The following STK10 variants were observed in gnomAD, a reference collection of about 807,000 sequenced individuals.
The protein encoded by STK10 is serine/threonine-protein kinase 10.
Under a neutral mutation model 113.8 loss-of-function variants are expected in STK10, and 78 were observed. That is an observed-to-expected ratio of 0.69 (90% CI 0.57 to 0.83). STK10 has a LOEUF of 0.83. STK10 is among the 40% of genes least tolerant of loss of function. The pLI is 0.00. For missense variants in STK10, 1,109 were observed against 1,280.1 expected (o/e 0.87, Z 2.04); for synonymous variants, 465 against 494.7 (o/e 0.94, Z 0.80).
chr5:172,112,416 C>CTTT (rs1159424183), intron 4 of STK10, among the ~76,000 whole-genome samples: 101 of 103,028 alleles, frequency 9.8e-4, no homozygotes, highest in East Asian at 2.2e-3. Flanking sequence ...AGGGACCTTA[C>CTTT]TTTTTTTTTT....
At chr5:172,051,162 A>G (rs1467725334) in intron 18 of STK10, among the ~76,000 whole-genome samples, 1 of 152,124 alleles carries the variant, frequency 6.6e-6, no homozygotes, top group East Asian at 1.9e-4. Flanking sequence ...AACATCATGC[A>G]TTGGTCACTT....
intron 1 of STK10, among the ~76,000 whole-genome samples, chr5:172,165,194 T>C (rs1770545522): frequency 1.3e-5 from 2 of 148,520 alleles, no homozygotes; most frequent in Admixed American, 1.3e-4. Flanking sequence ...CACTGATCAG[T>C]GTGTTGCTCC....
intron 2 of STK10, among the ~76,000 whole-genome samples, chr5:172,131,176 G>A (rs1230395199): frequency 1.3e-5 from 2 of 152,054 alleles, no homozygotes; most frequent in East Asian, 3.9e-4. Flanking sequence ...TGGGACTACA[G>A]GCGCCCGCCA....
chr5:172,078,619 T>TAAAAAA (rs58823824), intron 12 of STK10, among the ~76,000 whole-genome samples: 4 of 72,868 alleles, frequency 5.5e-5, no homozygotes, highest in Middle Eastern at 8.5e-3. Flanking sequence ...GCCTCATCAT[T>TAAAAAA]AAAAAAAAAA....
chr5:172,138,906 C>T (rs1261929142), intron 2 of STK10, among the ~76,000 whole-genome samples: 7 of 152,034 alleles, frequency 4.6e-5, no homozygotes, highest in African/African-American at 1.7e-4. Flanking sequence ...CCCAGCTACT[C>T]GGGAGGCTGA....
In STK10 at chr5:172,071,341, CAAAAAAA is replaced by C. The variant is rs58271522; in HGVS notation, c.1990-6536_1990-6530del. On this transcript the variant is annotated intron_variant, in intron 12 of 18. Coordinates refer to ENST00000176763, the MANE Select transcript of STK10 (RefSeq NM_005990.4). ...ACTAAAACTGAGGCAGGATAGGTAG[CAAAAAAA>C]AAAAAAAAAAAAAAATGACCAGGTT... Among the ~76,000 whole-genome samples, 84 of 53,870 alleles carry C rather than the reference CAAAAAAA, an allele frequency of 1.6e-3. 1 individual carries two copies. The highest frequency in any genetic ancestry group is 6.0e-3 in the African/African-American group (78 of 13,006). The allele number at this position is 53,870 out of a possible 152,430, so 35.3% of individuals were successfully genotyped here.
chr5:172,087,236 C>T (rs1457071104), intron 10 of STK10, among the ~76,000 whole-genome samples: 1 of 147,746 alleles, frequency 6.8e-6, no homozygotes, highest in South Asian at 2.1e-4. Flanking sequence ...ACATCTAAAA[C>T]TACTTTTATT....
intron 12 of STK10, among the ~76,000 whole-genome samples, chr5:172,077,080 C>T (rs928508429): frequency 1.3e-5 from 2 of 152,220 alleles, no homozygotes; most frequent in Non-Finnish European, 2.9e-5. Flanking sequence ...CACATACCAG[C>T]ACTGCTCTCC....
chr5:172,082,499 T>C lies in STK10; in HGVS notation c.1816A>G (p.Lys606Glu), dbSNP rs768260926. ...KRFEQEINAK[K>E]KFFDTELENL... Reference sequence around the variant, plus strand: ...TCTAATTCCGTGTCAAAGAACTTCTTCTTGGCCTGAAAGGAGCAGAAATTC... The same window carrying C: ...TCTAATTCCGTGTCAAAGAACTTCTCCTTGGCCTGAAAGGAGCAGAAATTC... The change falls in exon 12 of 19, where the codon AAG becomes GAG. Residue 606 changes from lysine to glutamate, a missense_variant. Physicochemically the swap from Lys to Glu is moderately conservative, Grantham distance 56 (BLOSUM62 1). This residue lies in a region of STK10 where 885 missense variants were observed against 991.1 expected (regional missense o/e 0.89). Coordinates refer to ENST00000176763, the MANE Select transcript of STK10 (RefSeq NM_005990.4). This position sits in a 1 kb window ranked among gnomAD's most constrained non-coding sequence, Gnocchi z 4.3. The C allele has an allele frequency of 3.1e-6, 5 of 1,587,984 alleles. No homozygotes were observed. Among genetic ancestry groups the C allele is most frequent in the Non-Finnish European group, 4.3e-6 (5 of 1,170,378 alleles).
intron 18 of STK10, chr5:172,045,296 A>AT (rs1289160805): frequency 3.4e-6 from 2 of 594,690 alleles, no homozygotes; most frequent in Admixed American, 4.7e-5. Context: ...AGGAAAAAAA[A>AT]GCAGATGCAA....
intron 10 of STK10, among the ~76,000 whole-genome samples, chr5:172,089,010 G>GT (rs1768630147): frequency 6.6e-6 from 1 of 152,134 alleles, no homozygotes; most frequent in Admixed American, 6.6e-5. Context: ...ATCTGACCAT[G>GT]TTTTTCCCTC....
chr5:172,079,262 A>G (rs565608302), intron 12 of STK10, among the ~76,000 whole-genome samples: 169 of 151,718 alleles, frequency 1.1e-3, no homozygotes, highest in Non-Finnish European at 2.1e-3. Context: ...CTCTTTGAAC[A>G]CTCCAAGCTC....
At chr5:172,045,788 C>T (rs1767483941) in intron 18 of STK10, among the ~76,000 whole-genome samples, 2 of 152,078 alleles carry the variant, frequency 1.3e-5, no homozygotes, top group South Asian at 4.1e-4. Flanking sequence ...CTCACAGGTT[C>T]AAGTGATTCT....
At chr5:172,054,290 C>T (rs1353048007) in intron 17 of STK10, among the ~76,000 whole-genome samples, 5 of 152,190 alleles carry the variant, frequency 3.3e-5, no homozygotes, top group Non-Finnish European at 7.3e-5. Flanking sequence ...CTGCCAGCTC[C>T]GTCACTTCAT....
intron 12 of STK10, among the ~76,000 whole-genome samples, chr5:172,076,624 C>A (rs1305495620): frequency 6.6e-6 from 1 of 152,196 alleles, no homozygotes; most frequent in African/African-American, 2.4e-5. Flanking sequence ...CCAGATATTG[C>A]CAATTGGCCC....
chr5:172,077,521 G>A (rs1768338200), intron 12 of STK10, among the ~76,000 whole-genome samples: 1 of 152,170 alleles, frequency 6.6e-6, no homozygotes, highest in South Asian at 2.1e-4. Flanking sequence ...AGAGTTGTGA[G>A]AATGTATCCA....
intron 14 of STK10, among the ~76,000 whole-genome samples, chr5:172,059,432 C>T (rs1035451452): frequency 2.9e-5 from 3 of 101,928 alleles, no homozygotes; most frequent in African/African-American, 1.3e-4. Flanking sequence ...GACTCTCCAT[C>T]TCAAAAAAAA....
At chr5:172,055,474 G>A (rs557854764) in intron 16 of STK10, 114 bp downstream of exon 16, 1 of 1,123,486 alleles carries the variant, frequency 8.9e-7, no homozygotes, top group African/African-American at 1.6e-5. Flanking sequence ...ACAGACGTGA[G>A]CCAGCCTGCA....
intron 13 of STK10, 26 bp downstream of exon 13, chr5:172,064,694 C>A (rs762099304): frequency 6.2e-7 from 1 of 1,611,562 alleles, no homozygotes; most frequent in Non-Finnish European, 8.5e-7. Flanking sequence ...AGCCCCTGCG[C>A]TCCCCAGCTG....
Sources: allele counts gnomAD v4.1 joint callset (sites outside exome capture counted in the v4.1 genomes callset), GRCh38; gene constraint gnomAD v4.1.1; regional missense constraint gnomAD v4.1.1; non-coding constraint Gnocchi (gnomAD v3.1); transcripts MANE v1.5; gene names NCBI Gene and HGNC (gene_info 2026-07-23, HGNC 2026-07-21).